TRPC4: variants seen among roughly 807,000 people sequenced by gnomAD.
The protein encoded by TRPC4 is short transient receptor potential channel 4.
In TRPC4, 49 loss-of-function variants were observed where a neutral mutation model predicts 99.4. That is an observed-to-expected ratio of 0.49 (90% CI 0.39 to 0.63). The LOEUF (loss-of-function observed/expected upper bound fraction) is 0.63, where lower values mean the gene tolerates loss of function less well. Among genes scored for constraint, TRPC4 ranks in the 20% least tolerant of loss-of-function variants. The pLI is 0.00. For missense variants in TRPC4, 898 were observed against 1,152.9 expected, an observed-to-expected ratio of 0.78 and a Z score of 3.20; for synonymous variants, 454 against 425.9, an observed-to-expected ratio of 1.07 and a Z score of -0.81.
At position 37,667,997 on chromosome 13, in the gene TRPC4, G is replaced by A. The variant is rs74838007; in HGVS notation, c.1375-4268C>T. On this transcript the variant is annotated intron_variant, in intron 5 of 10. Coordinates refer to ENST00000379705, the MANE Select transcript of TRPC4 (RefSeq NM_016179.4). ...GTACTGATCAAGGAAGATGCCATACGGGTTTACAACATGGTGAAGTCATAC... is the reference window on the plus strand; with the variant it reads ...GTACTGATCAAGGAAGATGCCATACAGGTTTACAACATGGTGAAGTCATAC... Among the ~76,000 whole-genome samples the A allele has an allele frequency of 4.1e-3, 622 of 152,264 alleles. 3 individuals are homozygous for A. Among genetic ancestry groups the A allele is most frequent in the East Asian group, 0.021 (107 of 5,170 alleles).
chr13:37,693,909 A>G (rs546374661), intron 3 of TRPC4, among the ~76,000 whole-genome samples: 146 of 152,290 alleles, frequency 9.6e-4, no homozygotes, highest in Non-Finnish European at 1.9e-3. Context: ...GACTATCCTC[A>G]TTATCTTGTA....
At chr13:37,774,731 C>T (rs1041300765) in intron 2 of TRPC4, among the ~76,000 whole-genome samples, 1 of 151,594 alleles carries the variant, frequency 6.6e-6, no homozygotes, top group African/African-American at 2.4e-5. Flanking sequence ...TTCTGCATTA[C>T]CTGTATCCTT....
intron 8 of TRPC4, among the ~76,000 whole-genome samples, chr13:37,644,323 A>G (rs570057232): frequency 6.6e-6 from 1 of 152,296 alleles, no homozygotes; most frequent in East Asian, 1.9e-4. Flanking sequence ...TTGTGATTCA[A>G]AGTAATATAA....
chr13:37,689,469 A>G (rs1441495612), intron 4 of TRPC4, among the ~76,000 whole-genome samples: 2 of 152,148 alleles, frequency 1.3e-5, no homozygotes, highest in African/African-American at 4.8e-5. Flanking sequence ...ATTTTTCCTC[A>G]TGCCCCATTA....
chr13:37,655,297 A>G lies in TRPC4; in HGVS notation c.1689-14T>C. On this transcript the variant is annotated splice_polypyrimidine_tract_variant and intron_variant, in intron 6 of 10. Transcript: ENST00000379705. Reference sequence around the variant, plus strand: ...GTCTCAAATAACCTGTAATAAAGATAAAATGATACTAATAGCTATATTAAT... The same window carrying G: ...GTCTCAAATAACCTGTAATAAAGATGAAATGATACTAATAGCTATATTAAT... 2 of 1,476,946 alleles carry G rather than the reference A, an allele frequency of 1.4e-6. No individual in the cohort carries two copies. Among genetic ancestry groups the G allele is most frequent in the South Asian group, 2.9e-5 (2 of 68,040 alleles). 91.5% of individuals were successfully genotyped at this position (1,476,946 alleles called of 1,614,324 possible).
In TRPC4 at chr13:37,636,419, T is replaced by C. The variant is rs539956889; in HGVS notation, c.*484A>G. ...TTATTTACATGTCGTTAAGAAATAATTTGGTAATATTTGTGTTTTAAAGCC... is the reference window on the plus strand; with the variant it reads ...TTATTTACATGTCGTTAAGAAATAACTTGGTAATATTTGTGTTTTAAAGCC... On this transcript the variant is annotated 3_prime_UTR_variant, in exon 11 of 11. Transcript: ENST00000379705. 6.6e-6 allele frequency among the ~76,000 whole-genome samples: 1 copy of C among 152,244 alleles called. No homozygotes were observed. The highest frequency in any genetic ancestry group is 1.9e-4 in the East Asian group (1 of 5,182).
chr13:37,818,851 G>C (rs1478144266), intron 1 of TRPC4, among the ~76,000 whole-genome samples: 1 of 151,928 alleles, frequency 6.6e-6, no homozygotes, highest in African/African-American at 2.4e-5. Flanking sequence ...ACCTAATGTA[G>C]ATGATGGGTT....
intron 1 of TRPC4, among the ~76,000 whole-genome samples, chr13:37,795,097 T>C (rs1441192156): frequency 6.6e-6 from 1 of 152,186 alleles, no homozygotes; most frequent in East Asian, 1.9e-4. Context: ...ATATGTATTT[T>C]TTAAAAGAAT....
intron 3 of TRPC4, among the ~76,000 whole-genome samples, chr13:37,695,652 T>TA (rs1212449713): frequency 2.6e-5 from 4 of 152,242 alleles, no homozygotes; most frequent in Admixed American, 6.5e-5. Context: ...TGTGCACTTA[T>TA]AAAAGACGCT....
At chr13:37,759,954 A>G (rs1007244177) in intron 2 of TRPC4, among the ~76,000 whole-genome samples, 16 of 152,048 alleles carry the variant, frequency 1.1e-4, no homozygotes, top group African/African-American at 3.9e-4. Flanking sequence ...CAAATTGTAG[A>G]AACATATTCT....
At chr13:37,867,813 T>C (rs538632239) in intron 1 of TRPC4, among the ~76,000 whole-genome samples, 3 of 152,070 alleles carry the variant, frequency 2.0e-5, no homozygotes, top group Non-Finnish European at 4.4e-5. Context: ...TAAACATAAG[T>C]TGTTGTTTTT....
chr13:37,671,152 A>T (rs894013144), intron 5 of TRPC4, among the ~76,000 whole-genome samples: 1 of 152,206 alleles, frequency 6.6e-6, no homozygotes, highest in African/African-American at 2.4e-5. Flanking sequence ...TGATTTGATT[A>T]GCTTCTTGAT....
intron 3 of TRPC4, among the ~76,000 whole-genome samples, chr13:37,701,467 T>G (rs1214607123): frequency 6.6e-6 from 1 of 152,130 alleles, no homozygotes; most frequent in Admixed American, 6.6e-5. Context: ...GCCTAAGTTA[T>G]GTTCCTAAAA....
intron 1 of TRPC4, among the ~76,000 whole-genome samples, chr13:37,843,030 G>A (rs1364821373): frequency 1.3e-5 from 2 of 152,198 alleles, no homozygotes; most frequent in African/African-American, 4.8e-5. Context: ...TGATTAATAT[G>A]AGTACATGAA....
At chr13:37,810,464 A>T (rs1957646055) in intron 1 of TRPC4, among the ~76,000 whole-genome samples, 1 of 152,054 alleles carries the variant, frequency 6.6e-6, no homozygotes, top group Non-Finnish European at 1.5e-5. Context: ...CTATTTAAAA[A>T]CTGATAACAG....
At chr13:37,703,022 G>C (rs1367806389) in intron 3 of TRPC4, among the ~76,000 whole-genome samples, 2 of 152,138 alleles carry the variant, frequency 1.3e-5, no homozygotes, top group African/African-American at 4.8e-5. Flanking sequence ...CTTTAATGTA[G>C]TCCAGCACTG....
intron 5 of TRPC4, among the ~76,000 whole-genome samples, chr13:37,666,376 C>T (rs957301179): frequency 6.6e-6 from 1 of 152,082 alleles, no homozygotes; most frequent in Non-Finnish European, 1.5e-5. Flanking sequence ...GCTAAGTTTG[C>T]TATGTAAGTA....
chr13:37,701,233 G>A (rs1403414115), intron 3 of TRPC4, among the ~76,000 whole-genome samples: 1 of 152,096 alleles, frequency 6.6e-6, no homozygotes, highest in Non-Finnish European at 1.5e-5. Context: ...GGAATAAAGA[G>A]TAAAGTATCT....
At chr13:37,648,622 A>C (rs1371746404) in intron 8 of TRPC4, among the ~76,000 whole-genome samples, 3 of 152,210 alleles carry the variant, frequency 2.0e-5, no homozygotes, top group Non-Finnish European at 4.4e-5. Flanking sequence ...TGGAGCAAAA[A>C]ATTCAAATAT....
Sources: gnomAD v4.1 joint callset for allele counts (sites outside exome capture counted in the v4.1 genomes callset) on GRCh38, gnomAD v4.1.1 for gene constraint, MANE v1.5 for transcripts, NCBI Gene and HGNC (gene_info 2026-07-23, HGNC 2026-07-21) for gene names.